CCDC178: variants seen among roughly 807,000 people sequenced by gnomAD.
The protein encoded by CCDC178 is coiled-coil domain-containing protein 178.
A neutral mutation model predicts 117.4 loss-of-function variants in CCDC178; 126 were observed. The ratio of observed to expected loss-of-function variants is 1.07; its 90% confidence interval spans 0.93 to 1.24. The LOEUF (loss-of-function observed/expected upper bound fraction) is 1.24. CCDC178 is among the 50% of genes most tolerant of loss of function. The pLI is 0.00. For synonymous variants in CCDC178, 283 were observed against 313.4 expected (o/e 0.90, Z 1.02); for missense variants, 1,030 against 986.9 (o/e 1.04, Z -0.59).
intron 22 of CCDC178, among the ~76,000 whole-genome samples, chr18:32,968,791 A>C (rs1369116522): frequency 5.9e-5 from 9 of 152,012 alleles, no homozygotes; most frequent in Non-Finnish European, 1.3e-4. Context: ...GTTTTCTATA[A>C]ATTCTTCTGT....
At chr18:33,112,515 T>C (rs1208594215) in intron 20 of CCDC178, among the ~76,000 whole-genome samples, 1 of 151,882 alleles carries the variant, frequency 6.6e-6, no homozygotes, top group Non-Finnish European at 1.5e-5. Context: ...CTCCTTTTTC[T>C]AGCTTTATCA....
intron 20 of CCDC178, among the ~76,000 whole-genome samples, chr18:33,206,899 G>T (rs1202060159): frequency 6.6e-6 from 1 of 152,162 alleles, no homozygotes; most frequent in Non-Finnish European, 1.5e-5. Flanking sequence ...CCTACATTAA[G>T]GATTTGTCAG....
At chr18:33,213,428 T>C (rs2059129610) in intron 19 of CCDC178, among the ~76,000 whole-genome samples, 1 of 151,906 alleles carries the variant, frequency 6.6e-6, no homozygotes, top group Non-Finnish European at 1.5e-5. Flanking sequence ...TCCAAATTAT[T>C]AAGTGATGTC....
rs111421669 is a variant in CCDC178 at position 32,976,227 on chromosome 18, T to C, written c.2389-1546A>G. ...GAAATTTTGTCAAACTTAAAAAAAATTGTGTTTTCTTTAGTATTAGCCAAG... is the reference window on the plus strand; with the variant it reads ...GAAATTTTGTCAAACTTAAAAAAAACTGTGTTTTCTTTAGTATTAGCCAAG... On this transcript the variant is annotated intron_variant, in intron 21 of 22. Transcript: ENST00000383096. Among the ~76,000 whole-genome samples the C allele has an allele frequency of 2.4e-3, 363 of 152,230 alleles. 2 individuals are homozygous for C. The highest frequency in any genetic ancestry group is 7.3e-3 in the African/African-American group (304 of 41,556).
At chr18:33,361,613 G>A (rs2063129083) in intron 6 of CCDC178, among the ~76,000 whole-genome samples, 1 of 151,830 alleles carries the variant, frequency 6.6e-6, no homozygotes, top group Admixed American at 6.6e-5. Context: ...AAACTCATTA[G>A]CAAAAACCAA....
At chr18:33,401,704 CTTTT>C (rs1256150043) in intron 3 of CCDC178, among the ~76,000 whole-genome samples, 5 of 151,924 alleles carry the variant, frequency 3.3e-5, no homozygotes, top group African/African-American at 1.2e-4. Context: ...AAAAATGATA[CTTTT>C]ATCTTCTTTG....
intron 12 of CCDC178, among the ~76,000 whole-genome samples, chr18:33,268,797 TA>T (rs151282248): frequency 2.0e-5 from 3 of 151,464 alleles, no homozygotes; most frequent in South Asian, 2.1e-4. Context: ...ATAAATGTAA[TA>T]AAAAAAACTG....
intron 2 of CCDC178, among the ~76,000 whole-genome samples, chr18:33,415,661 C>A (rs946880512): frequency 7.2e-5 from 11 of 151,908 alleles, no homozygotes; most frequent in African/African-American, 2.7e-4. Context: ...CAAACCTGCA[C>A]GTTGTGCACA....
At chr18:32,989,198 A>C (rs1462236007) in intron 21 of CCDC178, among the ~76,000 whole-genome samples, 3 of 152,236 alleles carry the variant, frequency 2.0e-5, no homozygotes, top group African/African-American at 7.2e-5. Flanking sequence ...TTATAAACTT[A>C]TGTGCAAAAT....
At chr18:33,275,863 A>T (rs1035379740) in intron 12 of CCDC178, among the ~76,000 whole-genome samples, 26 of 151,950 alleles carry the variant, frequency 1.7e-4, no homozygotes, top group African/African-American at 6.3e-4. Context: ...GATTGATATT[A>T]TGACATGTTC....
chr18:33,244,795 T>C (rs2059527616), intron 15 of CCDC178, among the ~76,000 whole-genome samples: 1 of 151,942 alleles, frequency 6.6e-6, no homozygotes, highest in Non-Finnish European at 1.5e-5. Flanking sequence ...TGAGCAATTA[T>C]TTCTGCAGAA....
At chr18:33,196,211 T>G (rs900908090) in intron 20 of CCDC178, among the ~76,000 whole-genome samples, 4 of 152,150 alleles carry the variant, frequency 2.6e-5, no homozygotes, top group African/African-American at 9.7e-5. Context: ...CAGGAGGGGC[T>G]GGAGAATAAA....
intron 20 of CCDC178, among the ~76,000 whole-genome samples, chr18:33,172,218 A>G (rs1021565633): frequency 6.6e-6 from 1 of 152,174 alleles, no homozygotes; most frequent in Non-Finnish European, 1.5e-5. Flanking sequence ...ACAAAAGACC[A>G]TTTTAAAATA....
chr18:33,317,789 C>G (rs1364602554), intron 11 of CCDC178, among the ~76,000 whole-genome samples: 1 of 152,104 alleles, frequency 6.6e-6, no homozygotes, highest in African/African-American at 2.4e-5. Context: ...TCTACCCTGC[C>G]TTAACTCTGC....
At chr18:32,995,208 A>T (rs1446709419) in intron 21 of CCDC178, among the ~76,000 whole-genome samples, 1 of 152,220 alleles carries the variant, frequency 6.6e-6, no homozygotes, top group South Asian at 2.1e-4. Flanking sequence ...CACATAATTA[A>T]AACAACTCTG....
chr18:33,299,145 C>A (rs190320799), intron 11 of CCDC178, among the ~76,000 whole-genome samples: 98 of 152,034 alleles, frequency 6.4e-4, no homozygotes, highest in Middle Eastern at 3.4e-3. Flanking sequence ...ACAAAAACCC[C>A]AAAGAGCTAA....
intron 21 of CCDC178, among the ~76,000 whole-genome samples, chr18:33,060,077 C>T (rs1761916616): frequency 6.6e-6 from 1 of 152,052 alleles, no homozygotes; most frequent in African/African-American, 2.4e-5. Flanking sequence ...ACCATGTCAG[C>T]CTCTAAGACT....
chr18:33,217,540 A>T (rs1247555705), intron 18 of CCDC178, among the ~76,000 whole-genome samples: 2 of 151,530 alleles, frequency 1.3e-5, no homozygotes, highest in Non-Finnish European at 2.9e-5. Context: ...ATTTTTTTTT[A>T]AATCAAAATC....
At chr18:33,022,668 C>T (rs2056146154) in intron 21 of CCDC178, among the ~76,000 whole-genome samples, 1 of 151,858 alleles carries the variant, frequency 6.6e-6, no homozygotes, top group Admixed American at 6.6e-5. Flanking sequence ...AAAAATAAAA[C>T]TGAGAAATGA....
Sources: allele counts gnomAD v4.1 joint callset (sites outside exome capture counted in the v4.1 genomes callset), GRCh38; gene constraint gnomAD v4.1.1; transcripts MANE v1.5; gene names NCBI Gene and HGNC (gene_info 2026-07-23, HGNC 2026-07-21).